NSUN6: variants seen among roughly 807,000 people sequenced by gnomAD.
NSUN6 encodes NOP2/Sun RNA methyltransferase 6.
NSUN6 carries 64 observed loss-of-function variants against 58.0 expected under a neutral mutation model. The observed-to-expected ratio is 1.10, with a 90% CI of 0.90 to 1.36. The LOEUF (loss-of-function observed/expected upper bound fraction) is 1.36. Among genes scored for constraint, NSUN6 ranks in the 40% most tolerant of loss-of-function variants. NSUN6 has a pLI of 0.00. For missense variants in NSUN6, 701 were observed against 550.1 expected, an observed-to-expected ratio of 1.27 and a Z score of -2.74; for synonymous variants, 231 against 193.9, an observed-to-expected ratio of 1.19 and a Z score of -1.59.
Position 18,636,968 on chromosome 10 carries a change from T to G in NSUN6, c.311+5508A>C, listed in dbSNP as rs1171378382. 2.7e-5 allele frequency among the ~76,000 whole-genome samples: 4 copies of G among 146,330 alleles called. No individual in the cohort carries two copies. In the East Asian group the frequency reaches 7.9e-4, roughly 29 times the overall value. ...AAAAAAAAAAAAGGAATTGACTTTTTTTTTTTTTTTTGAGATGGAGTTTCA... is the reference window on the plus strand; with the variant it reads ...AAAAAAAAAAAAGGAATTGACTTTTGTTTTTTTTTTTGAGATGGAGTTTCA... On this transcript the variant is annotated intron_variant, in intron 3 of 10. Transcript: ENST00000377304.
chr10:18,657,537 T>C (rs2059790660), upstream of NSUN6, among the ~76,000 whole-genome samples: 1 of 152,210 alleles, frequency 6.6e-6, no homozygotes, highest in South Asian at 2.1e-4. Context: ...TCAAACTTAC[T>C]GTCTCTAAAA....
intron 8 of NSUN6, among the ~76,000 whole-genome samples, chr10:18,579,270 A>G (rs929433835): frequency 3.9e-5 from 6 of 151,962 alleles, no homozygotes; most frequent in Non-Finnish European, 5.9e-5. Flanking sequence ...CCTCCCGTTC[A>G]TGCCATTCTC....
At chr10:18,560,185 C>T (rs575258145) in intron 8 of NSUN6, among the ~76,000 whole-genome samples, 3 of 131,424 alleles carry the variant, frequency 2.3e-5, no homozygotes, top group East Asian at 4.6e-4. Context: ...GGAGAATGAA[C>T]TGGAATGGAA....
At chr10:18,558,884 A>T (rs891643911) in intron 8 of NSUN6, among the ~76,000 whole-genome samples, 8 of 151,170 alleles carry the variant, frequency 5.3e-5, no homozygotes, top group African/African-American at 1.9e-4. Context: ...ATGAAATGCA[A>T]TGGTGAATAG....
chr10:18,553,383 AGGAGAATGGAATGGAATGCAGAAC>A (rs1377480197), intron 8 of NSUN6, among the ~76,000 whole-genome samples: 2 of 151,406 alleles, frequency 1.3e-5, no homozygotes, highest in African/African-American at 2.4e-5. Flanking sequence ...GGGAATGGGA[AGGAGAATGGAATGGAATGCAGAAC>A]GGAGAATGGA....
Position 18,651,159 on chromosome 10 carries a change from G to T in NSUN6, c.45C>A (p.Asn15Lys). The change falls in exon 1 of 11, where the codon AAC becomes AAA. Residue 15 changes from asparagine (N) to lysine (K), a missense_variant. Physicochemically the swap from Asn to Lys is moderately conservative, Grantham distance 94 (BLOSUM62 0). Transcript: ENST00000377304. ...TATTCATAAAGCCTTCCTTAAGATAGTTTTCAACCTCAGGTCTCAAAGATA... is the reference window on the plus strand; with the variant it reads ...TATTCATAAAGCCTTCCTTAAGATATTTTTCAACCTCAGGTCTCAAAGATA... Reference protein sequence around the residue: ...PKISLRPEVENYLKEGFMNKE... With the variant: ...PKISLRPEVEKYLKEGFMNKE... 1 of 1,581,660 alleles carries T rather than the reference G, an allele frequency of 6.3e-7. No individual in the cohort carries two copies. Among genetic ancestry groups the T allele is most frequent in the Non-Finnish European group, 8.5e-7 (1 of 1,170,176 alleles).
chr10:18,635,984 C>T (rs1203607348), intron 3 of NSUN6, among the ~76,000 whole-genome samples: 3 of 150,560 alleles, frequency 2.0e-5, no homozygotes, highest in South Asian at 4.2e-4. Context: ...GGTACTGTTA[C>T]AAGGAGGAAA....
At chr10:18,616,810 C>G (rs2058426651) in intron 3 of NSUN6, among the ~76,000 whole-genome samples, 1 of 152,060 alleles carries the variant, frequency 6.6e-6, no homozygotes, top group African/African-American at 2.4e-5. Flanking sequence ...TGTATTACTT[C>G]TAACACTCAG....
chr10:18,579,195 C>T (rs539919275), intron 8 of NSUN6, among the ~76,000 whole-genome samples: 4 of 151,728 alleles, frequency 2.6e-5, no homozygotes, highest in African/African-American at 7.3e-5. Context: ...TTTTTTGAGA[C>T]GGAGTCTCGC....
intron 3 of NSUN6, among the ~76,000 whole-genome samples, chr10:18,637,232 G>A (rs1426493020): frequency 2.0e-5 from 3 of 152,060 alleles, no homozygotes; most frequent in Non-Finnish European, 2.9e-5. Context: ...CAAAGTGCTG[G>A]GATTACAGGC....
chr10:18,658,915 TGAA>T (rs757822341), upstream of NSUN6, among the ~76,000 whole-genome samples: 9 of 152,174 alleles, frequency 5.9e-5, no homozygotes, highest in Non-Finnish European at 1.0e-4. Flanking sequence ...AATAAATGAA[TGAA>T]GAAGAATCAC....
intron 8 of NSUN6, among the ~76,000 whole-genome samples, chr10:18,582,529 G>A (rs1013926591): frequency 1.3e-5 from 2 of 152,200 alleles, no homozygotes; most frequent in Non-Finnish European, 2.9e-5. Context: ...AGCGAGAAGA[G>A]CCTTCTGGGC....
chr10:18,575,101 G>A (rs2056583807), intron 8 of NSUN6, among the ~76,000 whole-genome samples: 1 of 152,156 alleles, frequency 6.6e-6, no homozygotes, highest in African/African-American at 2.4e-5. Context: ...AGAGAGAAAT[G>A]TTGTCTAAAC....
At chr10:18,621,959 T>G (rs902833137) in intron 3 of NSUN6, among the ~76,000 whole-genome samples, 5 of 152,106 alleles carry the variant, frequency 3.3e-5, no homozygotes, top group African/African-American at 1.2e-4. Context: ...ATTTAATCAG[T>G]AGTCCTTGTG....
intron 5 of NSUN6, among the ~76,000 whole-genome samples, chr10:18,613,123 C>A (rs1451668330): frequency 1.3e-5 from 2 of 151,690 alleles, no homozygotes; most frequent in African/African-American, 4.8e-5. Flanking sequence ...TTTTGAAATT[C>A]TGAAGTCTCA....
At chr10:18,643,791 ATAAG>A (rs2059457203) in intron 2 of NSUN6, among the ~76,000 whole-genome samples, 1 of 152,204 alleles carries the variant, frequency 6.6e-6, no homozygotes, top group Admixed American at 6.5e-5. Context: ...GTTTTGTTTT[ATAAG>A]TAACATTTGA....
intron 8 of NSUN6, among the ~76,000 whole-genome samples, chr10:18,576,371 G>C (rs1002298771): frequency 2.0e-5 from 3 of 152,020 alleles, no homozygotes; most frequent in African/African-American, 7.3e-5. Context: ...ATTTAATCCA[G>C]GGAGATTTCA....
At chr10:18,557,426 A>C (rs941325097) in intron 8 of NSUN6, among the ~76,000 whole-genome samples, 3 of 151,476 alleles carry the variant, frequency 2.0e-5, no homozygotes, top group African/African-American at 7.3e-5. Flanking sequence ...AATGGAATGG[A>C]ATGGAGAATG....
chr10:18,616,141 A>G, intron 4 of NSUN6, 43 bp downstream of exon 4: 2 of 1,110,886 alleles, frequency 1.8e-6, no homozygotes, highest in Non-Finnish European at 2.7e-6. Context: ...AATGCACATA[A>G]ATTTTAGAGA....
Sources: gnomAD v4.1 joint callset for allele counts (sites outside exome capture counted in the v4.1 genomes callset) on GRCh38, gnomAD v4.1.1 for gene constraint, MANE v1.5 for transcripts, NCBI Gene and HGNC (gene_info 2026-07-23, HGNC 2026-07-21) for gene names.